Variants in RARA observed in about 807,000 individuals in gnomAD.
RARA encodes the protein PML-DDX5-RARA fusion.
Under a neutral mutation model 42.8 loss-of-function variants are expected in RARA, and 5 were observed. The observed-to-expected ratio is 0.12, with a 90% CI of 0.06 to 0.25. The LOEUF (loss-of-function observed/expected upper bound fraction) is 0.25. RARA is among the 10% of genes least tolerant of loss of function. The probability of loss-of-function intolerance (pLI) is 1.00; values close to 1 mark genes in which losing one functional copy is unlikely to be tolerated. For synonymous variants in RARA, 256 were observed against 259.5 expected, an observed-to-expected ratio of 0.99 and a Z score of 0.13; for missense variants, 402 against 628.7, an observed-to-expected ratio of 0.64 and a Z score of 3.86.
At chr17:40,350,956 C>T (rs1046961898) in intron 4 of RARA, among the ~76,000 whole-genome samples, 5 of 151,296 alleles carry the variant, frequency 3.3e-5, no homozygotes, top group Non-Finnish European at 5.9e-5. Flanking sequence ...GGGAGGGGAC[C>T]CCTTCTCCCT....
chr17:40,354,280 C>A lies in RARA; in HGVS notation c.808-22C>A, dbSNP rs763428258. The stretch of plus-strand genomic sequence containing the variant: ...AGTGGGTTCGGGTTCAGTCCCTGAA[C>A]CCAAGCATCCTCTGCACCCAGATCC... On this transcript the variant is annotated intron_variant, in intron 6 of 8. Coordinates refer to ENST00000254066, the MANE Select transcript of RARA (RefSeq NM_000964.4). The surrounding 1 kb of genome is among the most constrained non-coding windows in gnomAD (Gnocchi z 4.5). 6.2e-7 allele frequency: 1 copy of A among 1,611,642 alleles called. No homozygotes were observed. Among genetic ancestry groups the A allele is most frequent in the African/African-American group, 1.3e-5 (1 of 74,840 alleles).
chr17:40,342,539 G>C (rs2034100656), intron 2 of RARA: 1 of 1,325,192 alleles, frequency 7.5e-7, no homozygotes, highest in Admixed American at 3.8e-5. Flanking sequence ...GGCGGACTTA[G>C]ACGCGGGGAC....
At chr17:40,332,077 A>G (rs1479060159) in intron 2 of RARA, among the ~76,000 whole-genome samples, 1 of 152,128 alleles carries the variant, frequency 6.6e-6, no homozygotes, top group Non-Finnish European at 1.5e-5. Context: ...TCTGCCATGG[A>G]GGTCACTTGT....
At chr17:40,324,542 C>G (rs1356082636) in intron 1 of RARA, among the ~76,000 whole-genome samples, 1 of 152,178 alleles carries the variant, frequency 6.6e-6, no homozygotes, top group African/African-American at 2.4e-5. Flanking sequence ...CTCCTAGAAC[C>G]TGGACTGCCC....
At position 40,354,965 on chromosome 17, in the gene RARA, G is replaced by C. The variant is rs1361887863; in HGVS notation, c.1013-298G>C. ...ATCTGGTTTCCAGAATAACAGGGGG[G>C]AGTGGGAGCCTGCCTGGGAACCCTC... On this transcript the variant is annotated intron_variant, in intron 7 of 8. Transcript: ENST00000254066. This position sits in a 1 kb window ranked among gnomAD's most constrained non-coding sequence, Gnocchi z 4.5. 2.6e-5 allele frequency among the ~76,000 whole-genome samples: 4 copies of C among 152,216 alleles called. No homozygotes were observed. The East Asian group carries it at 7.7e-4, about 29-fold the overall frequency.
intron 2 of RARA, among the ~76,000 whole-genome samples, chr17:40,337,007 A>G (rs969756193): frequency 6.6e-6 from 1 of 152,158 alleles, no homozygotes; most frequent in African/African-American, 2.4e-5. Flanking sequence ...CGTGACCCAG[A>G]CCCTTTGTAG....
intron 2 of RARA, among the ~76,000 whole-genome samples, chr17:40,333,516 A>C: frequency 6.6e-6 from 1 of 150,668 alleles, no homozygotes; most frequent in East Asian, 2.0e-4. Flanking sequence ...TTGTATTTTT[A>C]GTAGAGATGG....
intron 1 of RARA, among the ~76,000 whole-genome samples, chr17:40,317,363 T>C (rs2033236001): frequency 6.6e-6 from 1 of 152,176 alleles, no homozygotes; most frequent in Non-Finnish European, 1.5e-5. Context: ...CAAACAGAGC[T>C]GCAGGCTGGG....
intron 1 of RARA, among the ~76,000 whole-genome samples, chr17:40,329,291 C>T (rs780877014): frequency 5.5e-4 from 83 of 151,236 alleles, no homozygotes; most frequent in Non-Finnish European, 4.6e-4. Flanking sequence ...GCCTGGATAA[C>T]TTTTGTATTT....
At chr17:40,341,564 GGCGGGCGAGCCCC>G (rs1457234879) in intron 2 of RARA, 8 of 1,376,730 alleles carry the variant, frequency 5.8e-6, no homozygotes, top group Non-Finnish European at 7.5e-6. Context: ...GCAGGGGGCT[GGCGGGCGAGCCCC>G]GCGGGCGGGC....
chr17:40,335,761 C>T (rs897776979), intron 2 of RARA, among the ~76,000 whole-genome samples: 1 of 152,046 alleles, frequency 6.6e-6, no homozygotes, highest in Non-Finnish European at 1.5e-5. Flanking sequence ...GTAATCCCAG[C>T]ACTTTTGGAG....
intron 2 of RARA, among the ~76,000 whole-genome samples, chr17:40,344,519 C>T (rs1232145625): frequency 6.6e-6 from 1 of 152,110 alleles, no homozygotes; most frequent in Non-Finnish European, 1.5e-5. Flanking sequence ...GCCCCTGTCT[C>T]TTCTTAGCCC....
At chr17:40,336,529 C>T (rs2033855735) in intron 2 of RARA, among the ~76,000 whole-genome samples, 1 of 151,730 alleles carries the variant, frequency 6.6e-6, no homozygotes, top group Non-Finnish European at 1.5e-5. Flanking sequence ...GCTGGGACTA[C>T]AGATGCATGC....
At chr17:40,350,055 C>T (rs1352777492) in intron 4 of RARA, 130 bp downstream of exon 4, 11 of 1,394,562 alleles carry the variant, frequency 7.9e-6, no homozygotes, top group Middle Eastern at 1.9e-4. Context: ...TGTGCGGGCT[C>T]ACGGTTGAGG....
At chr17:40,339,745 C>T (rs1308248885) in intron 2 of RARA, among the ~76,000 whole-genome samples, 1 of 152,184 alleles carries the variant, frequency 6.6e-6, no homozygotes, top group Non-Finnish European at 1.5e-5. Context: ...GTTGCTTCTC[C>T]CCTGTTCCTG....
chr17:40,342,823 A>G (rs764523968), intron 2 of RARA: 20 of 1,611,680 alleles, frequency 1.2e-5, no homozygotes, highest in Non-Finnish European at 1.7e-5. Context: ...CCGGGTCCGT[A>G]CTCCACCCCG....
chr17:40,344,251 C>T (rs1359014915), intron 2 of RARA, among the ~76,000 whole-genome samples: 2 of 152,074 alleles, frequency 1.3e-5, no homozygotes, highest in African/African-American at 4.8e-5. Context: ...ATTGTCCTGC[C>T]CCCGACCATT....
At chr17:40,347,927 C>T (rs932175507) in intron 2 of RARA, 7 of 168,136 alleles carry the variant, frequency 4.2e-5, no homozygotes, top group Non-Finnish European at 8.9e-5. Flanking sequence ...TCCCTCCCTC[C>T]TCTTCAAGCG....
Position 40,349,780 on chromosome 17 carries a change from C to T in RARA, c.328-4C>T, listed in dbSNP as rs1000343419. The stretch of plus-strand genomic sequence containing the variant: ...CAACCTGACTCCCTCCCCTCCATAC[C>T]CAGGGCTTCTTCCGCCGCAGCATCC... On this transcript the variant is annotated splice_polypyrimidine_tract_variant and splice_region_variant and intron_variant, in intron 3 of 8. Transcript: ENST00000254066. The T allele has an allele frequency of 1.3e-5, 21 of 1,614,072 alleles. No homozygotes were observed. The highest frequency in any genetic ancestry group is 1.6e-5 in the Non-Finnish European group (19 of 1,179,954).
Sources: allele counts gnomAD v4.1 joint callset (sites outside exome capture counted in the v4.1 genomes callset), GRCh38; gene constraint gnomAD v4.1.1; non-coding constraint Gnocchi (gnomAD v3.1); transcripts MANE v1.5; gene names NCBI Gene and HGNC (gene_info 2026-07-23, HGNC 2026-07-21).